PRIM2: variants seen among roughly 807,000 people sequenced by gnomAD.
The protein encoded by PRIM2 is DNA primase subunit 2.
PRIM2 carries 39 observed loss-of-function variants against 67.3 expected under a neutral mutation model. The observed-to-expected ratio is 0.58, with a 90% CI of 0.45 to 0.76. The LOEUF (loss-of-function observed/expected upper bound fraction) is 0.76. Among genes scored for constraint, PRIM2 ranks in the 30% least tolerant of loss-of-function variants. The pLI is 0.00. For synonymous variants in PRIM2, 143 were observed against 198.7 expected (o/e 0.72, Z 2.36); for missense variants, 398 against 598.7 (o/e 0.66, Z 3.50).
chr6:57,292,445 C>T, the PRIM2 span, among the ~76,000 whole-genome samples: 1 of 152,024 alleles, frequency 6.6e-6, no homozygotes, highest in Non-Finnish European at 1.5e-5. Context: ...AGATTCAATG[C>T]CATCCCCATC....
In PRIM2 at chr6:57,325,994, C is replaced by G. The variant is rs1767837700; in HGVS notation, c.408C>G (p.Pro136=). 1.2e-6 allele frequency: 2 copies of G among 1,612,572 alleles called. No homozygotes were observed. Among genetic ancestry groups the G allele is most frequent in the Non-Finnish European group, 1.7e-6 (2 of 1,179,466 alleles). Residue 136 remains proline (P), a synonymous_variant, in exon 5 of 14, where the codon CCC becomes CCG. Transcript: ENST00000615550. ...TTCGATTTAGATTTAGTATTTTACC[C>G]AAGGATAAAATTCAGGATTTCTTAA... ...DLLRFRFSIL[P]KDKIQDFLKD...
intron 7 of PRIM2, among the ~76,000 whole-genome samples, chr6:57,426,933 T>C (rs1369425890): frequency 6.6e-6 from 1 of 152,228 alleles, no homozygotes; most frequent in Non-Finnish European, 1.5e-5. Context: ...TTTCATATAA[T>C]TAATACATTA....
chr6:57,444,288 G>C (rs1254190245), intron 7 of PRIM2, among the ~76,000 whole-genome samples: 1 of 152,020 alleles, frequency 6.6e-6, no homozygotes, highest in African/African-American at 2.4e-5. Flanking sequence ...GGTATTATAG[G>C]CTGGGCGCGG....
chr6:57,471,397 G>A (rs1212738999), intron 7 of PRIM2, among the ~76,000 whole-genome samples: 1 of 152,076 alleles, frequency 6.6e-6, no homozygotes, highest in Non-Finnish European at 1.5e-5. Flanking sequence ...AAAAATAAAT[G>A]GTGATAAAAG....
intron 10 of PRIM2, among the ~76,000 whole-genome samples, chr6:57,550,401 T>C (rs1464880523): frequency 7.8e-4 from 119 of 152,274 alleles, no homozygotes; most frequent in African/African-American, 2.6e-3. Context: ...CTTGCTTTCA[T>C]GAATTGTCAA....
chr6:57,572,711 T>A (rs1238658967), intron 10 of PRIM2, among the ~76,000 whole-genome samples: 55 of 152,262 alleles, frequency 3.6e-4, no homozygotes, highest in East Asian at 1.9e-4. Flanking sequence ...CTGTCCAGAT[T>A]GGATGAATAT....
intron 10 of PRIM2, among the ~76,000 whole-genome samples, chr6:57,561,538 G>C (rs1366713491): frequency 6.6e-6 from 1 of 152,070 alleles, no homozygotes; most frequent in South Asian, 2.1e-4. Context: ...CAGCCAATTC[G>C]CTCAAACTTT....
At chr6:57,497,441 T>G (rs1273765701) in intron 7 of PRIM2, 1 of 152,210 alleles carries the variant, frequency 6.6e-6, no homozygotes, top group African/African-American at 2.4e-5. Context: ...ATAACAAGCT[T>G]CTTTTCACAC....
chr6:57,588,765 G>A lies in PRIM2; in HGVS notation c.1021-12328G>A, dbSNP rs1486735531. ...TTGGGCTAATGTCTGGAGCCTAGAC[G>A]TGTATACATTTTGTTAATTAATATT... On this transcript the variant is annotated intron_variant, in intron 10 of 13. Coordinates refer to ENST00000615550, the MANE Select transcript of PRIM2 (RefSeq NM_000947.5). Among the ~76,000 whole-genome samples, 235 of 152,092 alleles carry A rather than the reference G, an allele frequency of 1.5e-3. 5 individuals carry two copies. The East Asian group carries it at 0.019, about 13-fold the overall frequency.
At chr6:57,550,532 T>C (rs1330557195) in intron 10 of PRIM2, among the ~76,000 whole-genome samples, 1,606 of 152,232 alleles carry the variant, frequency 0.011, 24 homozygotes, top group African/African-American at 0.037. Flanking sequence ...TTTAGTAAAT[T>C]TAATTGCTCT....
the PRIM2 span, among the ~76,000 whole-genome samples, chr6:57,306,652 C>A: frequency 6.6e-6 from 1 of 152,058 alleles, no homozygotes; most frequent in Admixed American, 6.5e-5. Flanking sequence ...ATCAGCAGTC[C>A]GCGTCCTGAA....
intron 13 of PRIM2, among the ~76,000 whole-genome samples, chr6:57,642,504 G>A (rs1462968520): frequency 7.3e-6 from 1 of 136,206 alleles, no homozygotes; most frequent in Non-Finnish European, 1.5e-5. Flanking sequence ...GTGCAGTGGC[G>A]CGATCTCGAC....
Position 57,544,699 on chromosome 6 carries a change from T to C in PRIM2, c.1020+7074T>C, listed in dbSNP as rs1457833786. Among the ~76,000 whole-genome samples, 809 of 152,362 alleles carry C rather than the reference T, an allele frequency of 5.3e-3. 6 individuals carry two copies. The highest frequency in any genetic ancestry group is 0.019 in the African/African-American group (779 of 41,578). On this transcript the variant is annotated intron_variant, in intron 10 of 13. Transcript: ENST00000615550. ...ATGACTACCTTATATTTATTGCTTATTTATTCATTTATTATCTGTATCCTA... is the reference window on the plus strand; with the variant it reads ...ATGACTACCTTATATTTATTGCTTACTTATTCATTTATTATCTGTATCCTA...
At chr6:57,494,935 T>TTTTCATTTCATTCTA (rs1773972673) in intron 7 of PRIM2, among the ~76,000 whole-genome samples, 5 of 152,246 alleles carry the variant, frequency 3.3e-5, no homozygotes, top group African/African-American at 4.8e-5. Context: ...TACTTTTCTA[T>TTTTCATTTCATTCTA]TTTCATTTCA....
chr6:57,491,658 T>C (rs1554345972), intron 7 of PRIM2, among the ~76,000 whole-genome samples: 5 of 152,200 alleles, frequency 3.3e-5, no homozygotes, highest in African/African-American at 1.2e-4. Flanking sequence ...TTAATCACAT[T>C]GATGCAGGAT....
rs574753178 is a variant in PRIM2, at chr6:57,354,373, A to G, written c.460-25528A>G. Among the ~76,000 whole-genome samples, 544 of 152,286 alleles carry G rather than the reference A, an allele frequency of 3.6e-3. 4 individuals carry two copies. The highest frequency in any genetic ancestry group is 0.013 in the African/African-American group (526 of 41,536). Reference sequence around the variant, plus strand: ...GTGTTAATTTGCTCCAAATGACAGAATTAGCCTAAATGTTGAGAAGTGCTA... The same window carrying G: ...GTGTTAATTTGCTCCAAATGACAGAGTTAGCCTAAATGTTGAGAAGTGCTA... On this transcript the variant is annotated intron_variant, in intron 5 of 13. Transcript: ENST00000615550.
At chr6:57,385,387 G>T (rs1770109754) in intron 7 of PRIM2, among the ~76,000 whole-genome samples, 1 of 152,030 alleles carries the variant, frequency 6.6e-6, no homozygotes, top group African/African-American at 2.4e-5. Context: ...AGAAAATTAA[G>T]TAGAAAATAG....
intron 10 of PRIM2, among the ~76,000 whole-genome samples, chr6:57,569,541 T>G (rs1775821863): frequency 6.6e-6 from 1 of 152,086 alleles, no homozygotes; most frequent in Non-Finnish European, 1.5e-5. Flanking sequence ...AAGGAAGTTC[T>G]AAGTCTAGAT....
intron 5 of PRIM2, among the ~76,000 whole-genome samples, chr6:57,346,222 T>C (rs1473042932): frequency 2.6e-5 from 4 of 152,220 alleles, no homozygotes; most frequent in Non-Finnish European, 4.4e-5. Context: ...CCAGCCTTTG[T>C]TCAAGATGGA....
Sources: allele counts gnomAD v4.1 joint callset (sites outside exome capture counted in the v4.1 genomes callset), GRCh38; gene constraint gnomAD v4.1.1; transcripts MANE v1.5; gene names NCBI Gene and HGNC (gene_info 2026-07-23, HGNC 2026-07-21).